Variants in UVSSA observed in about 807,000 individuals in gnomAD.
The protein encoded by UVSSA is UV stimulated scaffold protein A.
UVSSA carries 72 observed loss-of-function variants against 73.9 expected under a neutral mutation model. The observed-to-expected ratio is 0.97, with a 90% confidence interval of 0.81 to 1.19. The LOEUF is 1.19. UVSSA is among the 50% of genes most tolerant of loss of function. The pLI is 0.00. For missense variants in UVSSA, 1,150 were observed against 965.0 expected (o/e 1.19, Z -2.54); for synonymous variants, 454 against 391.3 (o/e 1.16, Z -1.89).
At position 1,349,841 on chromosome 4, in the gene UVSSA, G is replaced by C. The variant is rs1367884701; in HGVS notation, c.416G>C (p.Arg139Thr). 4 of 1,552,412 alleles carry C rather than the reference G, an allele frequency of 2.6e-6. No individual in the cohort carries two copies. The highest frequency in any genetic ancestry group is 3.5e-6 in the Non-Finnish European group (4 of 1,149,936). ...CTTGCCTTGGGCTACCACTTCTTAA[G>C]ACACAACAAAAAGGTAGGTGGGCCT... is the stretch of plus-strand genomic sequence containing the variant. ...KKLALGYHFL[R>T]HNKKVDFQDT... is the part of the protein sequence containing the mutation. Residue 139 changes from arginine (R) to threonine (T), a missense_variant, in exon 3 of 14, where the codon AGA (arginine) becomes ACA (threonine). Arg to Thr is a moderately conservative substitution (Grantham distance 71, BLOSUM62 -1). Transcript: ENST00000389851.
At chr4:1,383,163 G>A (rs1209728113) in intron 12 of UVSSA, among the ~76,000 whole-genome samples, 1 of 152,188 alleles carries the variant, frequency 6.6e-6, no homozygotes, top group African/African-American at 2.4e-5. Flanking sequence ...ACAATGCACG[G>A]CTTGCTTGGG....
chr4:1,355,381 G>T (rs1715563062), intron 7 of UVSSA, 136 bp downstream of exon 7: 4 of 850,104 alleles, frequency 4.7e-6, no homozygotes, highest in South Asian at 1.8e-5. Context: ...GCCTCAGCAG[G>T]ACCTGCCTCC....
rs775003416 is a variant in UVSSA at position 1,349,839 on chromosome 4, A to G, written c.414A>G (p.Leu138=). ...YKKLALGYHF[L]RHNKKVDFQD... is the part of the protein sequence containing the mutation. Reference sequence around the variant, plus strand: ...AGCTTGCCTTGGGCTACCACTTCTTAAGACACAACAAAAAGGTAGGTGGGC... The same window carrying G: ...AGCTTGCCTTGGGCTACCACTTCTTGAGACACAACAAAAAGGTAGGTGGGC... The change falls in exon 3 of 14, where the codon TTA becomes TTG. Residue 138 remains leucine, a synonymous_variant. Coordinates refer to ENST00000389851, the MANE Select transcript of UVSSA (RefSeq NM_020894.4). The G allele has an allele frequency of 1.3e-6, 2 of 1,553,022 alleles. No homozygotes were observed. Among genetic ancestry groups the G allele is most frequent in the Non-Finnish European group, 1.7e-6 (2 of 1,150,090 alleles).
At chr4:1,366,269 G>GT (rs1717309432) in intron 7 of UVSSA, 51 bp from the exon 8 acceptor site, 1 of 1,449,752 alleles carries the variant, frequency 6.9e-7, no homozygotes, top group Non-Finnish European at 9.5e-7. Context: ...CGGGAGCTGT[G>GT]TTCATACACA....
chr4:1,395,239 A>G, exon 14 of UVSSA: 2 of 1,324,520 alleles, frequency 1.5e-6, no homozygotes, highest in Middle Eastern at 2.3e-4. Context: ...GCCTGCTCAC[A>G]CGTGCCCATG....
chr4:1,360,105 T>C (rs1560447286), intron 7 of UVSSA, among the ~76,000 whole-genome samples: 1 of 152,216 alleles, frequency 6.6e-6, no homozygotes, highest in Non-Finnish European at 1.5e-5. Flanking sequence ...ACAACCTTCC[T>C]GGGTGATGGG....
upstream of UVSSA, among the ~76,000 whole-genome samples, chr4:1,343,798 AG>A (rs1422871618): frequency 6.6e-6 from 1 of 152,172 alleles, no homozygotes; most frequent in Non-Finnish European, 1.5e-5. Context: ...AAAAAAAAAA[AG>A]TATTTATAGA....
chr4:1,386,129 A>G lies in UVSSA; in HGVS notation c.*168A>G, dbSNP rs1720092190. On this transcript the variant is annotated 3_prime_UTR_variant, in exon 14 of 14. Transcript: ENST00000389851. ...CTGAAGGTACGGCCGCTCTGCTGCT[A>G]CAGGGTTCGGCATCGTCTGGTGATG... The G allele has an allele frequency of 4.1e-6, 3 of 739,126 alleles. No individual in the cohort carries two copies. The highest frequency in any genetic ancestry group is 4.5e-6 in the Non-Finnish European group (2 of 447,440). The allele number at this position is 739,126 out of a possible 1,614,324, so 45.8% of individuals were successfully genotyped here. A position where few individuals can be genotyped will look rare whatever the true frequency, so the allele number is the denominator to read the frequency against.
chr4:1,369,947 G>A (rs765366112), intron 8 of UVSSA, among the ~76,000 whole-genome samples: 1 of 152,236 alleles, frequency 6.6e-6, no homozygotes, highest in South Asian at 2.1e-4. Context: ...TCCGGGAGTC[G>A]TTATTCTTCC....
Position 1,348,188 on chromosome 4 carries a change from A to G in UVSSA, c.97A>G (p.Lys33Glu). 6.2e-7 allele frequency: 1 copy of G among 1,612,438 alleles called. No individual in the cohort carries two copies. Residue 33 changes from lysine to glutamate, a missense_variant and splice_region_variant, in exon 2 of 14, where the codon AAG (lysine) becomes GAG (glutamate). Physicochemically the swap from Lys to Glu is moderately conservative, Grantham distance 56 (BLOSUM62 1). Transcript: ENST00000389851. ...AATGAAGGAACTGAAGAAAATTTGC[A>G]AGTATGTCTTAGGGTTCAGTAACAG... is the stretch of plus-strand genomic sequence containing the variant. ...EKMKELKKIC[K>E]SSEEQLSRAY...
chr4:1,394,324 C>A, exon 14 of UVSSA: 2 of 1,052,714 alleles, frequency 1.9e-6, no homozygotes, highest in Non-Finnish European at 2.7e-6. Flanking sequence ...GTTTTGTGTT[C>A]TACTTAGAAT....
intron 7 of UVSSA, among the ~76,000 whole-genome samples, chr4:1,361,107 C>T (rs185433675): frequency 9.2e-5 from 14 of 152,348 alleles, no homozygotes; most frequent in Admixed American, 8.5e-4. Flanking sequence ...CAGGCAGCCC[C>T]GGGGACCCAG....
chr4:1,361,030 C>G (rs1009274934), intron 7 of UVSSA, among the ~76,000 whole-genome samples: 16 of 152,254 alleles, frequency 1.1e-4, no homozygotes, highest in African/African-American at 3.6e-4. Flanking sequence ...CTCCATCCAT[C>G]TGGAGAGCAA....
In UVSSA at chr4:1,387,985, A is replaced by G. The variant is rs2109330300; in HGVS notation, c.*2024A>G. On this transcript the variant is annotated 3_prime_UTR_variant, in exon 14 of 14. Coordinates refer to ENST00000389851, the MANE Select transcript of UVSSA (RefSeq NM_020894.4). ...GCAGCTGAGATTTTTGATAGGAATT[A>G]CATTAAATCTAGAGATTGCTTTGGA... 6.6e-6 allele frequency: 1 copy of G among 150,522 alleles called. No homozygotes were observed. The allele number at this position is 150,522 out of a possible 1,614,324, so 9.3% of individuals were successfully genotyped here.
Position 1,376,149 on chromosome 4 carries a change from A to G in UVSSA, c.1549A>G (p.Thr517Ala), listed in dbSNP as rs535017133. The change falls in exon 10 of 14, where the codon ACA becomes GCA. Residue 517 changes from threonine (T) to alanine (A), a missense_variant. Physicochemically the swap from Thr to Ala is moderately conservative, Grantham distance 58. Coordinates refer to ENST00000389851, the MANE Select transcript of UVSSA (RefSeq NM_020894.4). ...GCACTACTGGGGCCAGGAGCTCCCCACAGCCGGGAAGATTGTCAAGTGAGT... is the reference window on the plus strand; with the variant it reads ...GCACTACTGGGGCCAGGAGCTCCCCGCAGCCGGGAAGATTGTCAAGTGAGT... ...DLHYWGQELP[T>A]AGKIVKSDSQ... is the part of the protein sequence containing the mutation. 68 of 1,610,254 alleles carry G rather than the reference A, an allele frequency of 4.2e-5. 1 individual carries two copies. In the South Asian group the frequency reaches 7.2e-4, roughly 17 times the overall value.
chr4:1,390,822 A>G (rs1258434929), downstream of UVSSA: 10 of 153,098 alleles, frequency 6.5e-5, no homozygotes, highest in Non-Finnish European at 1.5e-5. Context: ...GTAGTGTTGT[A>G]TAGATGCCTG....
chr4:1,362,228 C>G (rs1420968525), intron 7 of UVSSA, among the ~76,000 whole-genome samples: 2 of 152,214 alleles, frequency 1.3e-5, no homozygotes, highest in African/African-American at 4.8e-5. Flanking sequence ...TGCTCCTGCC[C>G]GCCTCCCCGC....
intron 12 of UVSSA, among the ~76,000 whole-genome samples, chr4:1,383,316 GCGTGTCCA>G (rs1310237382): frequency 5.9e-5 from 9 of 152,220 alleles, no homozygotes; most frequent in African/African-American, 1.9e-4. Flanking sequence ...CCACCAGCAG[GCGTGTCCA>G]GCAGGGCCAC....
At chr4:1,372,133 T>C (rs963027025) in intron 8 of UVSSA, among the ~76,000 whole-genome samples, 3 of 152,220 alleles carry the variant, frequency 2.0e-5, no homozygotes, top group African/African-American at 7.2e-5. Flanking sequence ...TCCTCTGTCT[T>C]TTGGTCACTG....
Sources: allele counts gnomAD v4.1 joint callset (sites outside exome capture counted in the v4.1 genomes callset), GRCh38; gene constraint gnomAD v4.1.1; transcripts MANE v1.5; gene names NCBI Gene and HGNC (gene_info 2026-07-23, HGNC 2026-07-21).